Variants in NAE1 observed in about 807,000 individuals in gnomAD.
The protein encoded by NAE1 is NEDD8 activating enzyme E1 subunit 1.
In NAE1, 59 loss-of-function variants were observed where a neutral mutation model predicts 88.0. The ratio of observed to expected loss-of-function variants is 0.67; its 90% CI spans 0.54 to 0.83. NAE1 has a LOEUF of 0.83. Ranked by LOEUF, NAE1 falls within the 40% of genes least tolerant of loss-of-function variation. The probability of loss-of-function intolerance (pLI) is 0.00; values close to 1 mark genes in which losing one functional copy is unlikely to be tolerated. For synonymous variants in NAE1, 186 were observed against 208.9 expected, an observed-to-expected ratio of 0.89 and a Z score of 0.95; for missense variants, 554 against 632.8, an observed-to-expected ratio of 0.88 and a Z score of 1.34.
intron 15 of NAE1, 25 bp downstream of exon 15, chr16:66,810,349 A>C (rs1363475932): frequency 1.3e-6 from 2 of 1,562,894 alleles, no homozygotes; most frequent in Non-Finnish European, 1.8e-6. Flanking sequence ...AAGCAAAATA[A>C]GGAAATTAAT....
rs1959551597 is a variant in NAE1, at chr16:66,806,106, G to A, written c.1331-80C>T. On this transcript the variant is annotated intron_variant, in intron 17 of 19. Transcript: ENST00000290810. ...AACTCCTTTATTTAATCTAGTTTCA[G>A]ATGTTCTAGTCAAAATATGTATGAA... The A allele has an allele frequency of 4.2e-6, 6 of 1,424,070 alleles. No homozygotes were observed. In the South Asian group the frequency reaches 7.4e-5, roughly 18 times the overall value. The allele number at this position is 1,424,070 out of a possible 1,614,324, so 88.2% of individuals were successfully genotyped here.
rs555207416 is a variant in NAE1, at chr16:66,818,538, A to C, written c.611T>G (p.Met204Arg). ...EHFQSYDLDH[M>R]EKKDHSHTPW... ...ACACACACTACCAACCTTTTTTTCC[A>C]TATGATCCAAATCATAGGACTGAAA... Residue 204 changes from methionine (M) to arginine (R), a missense_variant, in exon 8 of 20, where the codon ATG becomes AGG. Coordinates refer to ENST00000290810, the MANE Select transcript of NAE1 (RefSeq NM_003905.4). 2 of 1,605,366 alleles carry C rather than the reference A, an allele frequency of 1.2e-6. No homozygotes were observed. The highest frequency in any genetic ancestry group is 1.7e-6 in the Non-Finnish European group (2 of 1,177,110).
chr16:66,826,797 A>G lies in NAE1; in HGVS notation c.54-17T>C, dbSNP rs1278814522. On this transcript the variant is annotated splice_polypyrimidine_tract_variant and intron_variant, in intron 1 of 19. Transcript: ENST00000290810. ...CCCCACAACCTACAAAACAGACACA[A>G]ATTTGATGTTTTTAAAACTTTCATG... 6.3e-7 allele frequency: 1 copy of G among 1,575,054 alleles called. No homozygotes were observed. Among genetic ancestry groups the G allele is most frequent in the African/African-American group, 1.4e-5 (1 of 72,532 alleles).
intron 17 of NAE1, among the ~76,000 whole-genome samples, chr16:66,807,745 C>A (rs1959627973): frequency 6.6e-6 from 1 of 152,078 alleles, no homozygotes; most frequent in South Asian, 2.1e-4. Flanking sequence ...TAATCCTGCA[C>A]AATTAAAATT....
In NAE1 at chr16:66,818,553, T is replaced by C. The variant is rs1423643848; in HGVS notation, c.596A>G (p.Tyr199Cys). 1.6e-5 allele frequency: 26 copies of C among 1,612,654 alleles called. 1 individual carries two copies. The highest frequency in any genetic ancestry group is 2.1e-5 in the Non-Finnish European group (25 of 1,179,476). The change falls in exon 8 of 20, where the codon TAT (tyrosine) becomes TGT (cysteine). Residue 199 changes from tyrosine to cysteine, a missense_variant. Tyr to Cys is a radical substitution (Grantham distance 194, BLOSUM62 -2). Coordinates refer to ENST00000290810, the MANE Select transcript of NAE1 (RefSeq NM_003905.4). ...FPELREHFQS[Y>C]DLDHMEKKDH... is the part of the protein sequence containing the mutation. ...CTTTTTTTCCATATGATCCAAATCA[T>C]AGGACTGAAAATGTTCTCTCAGTTC...
chr16:66,805,545 G>A (rs558186246), intron 19 of NAE1: 11 of 386,000 alleles, frequency 2.8e-5, no homozygotes, highest in South Asian at 2.9e-4. Context: ...AGGCGGAGGC[G>A]AGAGATCACT....
At chr16:66,821,833 A>G (rs970538997) in intron 6 of NAE1, among the ~76,000 whole-genome samples, 8 of 152,230 alleles carry the variant, frequency 5.3e-5, no homozygotes, top group African/African-American at 1.9e-4. Context: ...AGATAATTCT[A>G]AACATTTCCA....
chr16:66,813,965 TTC>T lies in NAE1; in HGVS notation c.841-121_841-120del, dbSNP rs997699779. On this transcript the variant is annotated intron_variant, in intron 11 of 19. Coordinates refer to ENST00000290810, the MANE Select transcript of NAE1 (RefSeq NM_003905.4). ...TCTCAAATTGTAATCAAATACAAACTTCTGATTGGTTTATAATTTTATTTAGA... is the reference window on the plus strand; with the variant it reads ...TCTCAAATTGTAATCAAATACAAACTTGATTGGTTTATAATTTTATTTAGA... The T allele has an allele frequency of 3.2e-6, 3 of 940,170 alleles. No homozygotes were observed. In the African/African-American group the frequency reaches 5.0e-5, roughly 16 times the overall value. The allele number at this position is 940,170 out of a possible 1,614,324, so 58.2% of individuals were successfully genotyped here.
rs367977178 is a variant in NAE1 at position 66,821,566 on chromosome 16, A to G, written c.402-7T>C. ...TGCTAAGCGTAGTGAAGTGCTGTTT[A>G]AAAAAAAAAAGCAAAATATGAACAT... On this transcript the variant is annotated splice_polypyrimidine_tract_variant and splice_region_variant and intron_variant, in intron 6 of 19. Transcript: ENST00000290810. The G allele has an allele frequency of 2.5e-4, 236 of 944,466 alleles. No individual in the cohort carries two copies. Among genetic ancestry groups the G allele is most frequent in the Non-Finnish European group, 3.2e-4 (227 of 707,762 alleles). The allele number at this position is 944,466 out of a possible 1,614,324, so 58.5% of individuals were successfully genotyped here. A position where few individuals can be genotyped will look rare whatever the true frequency, so the allele number is the denominator to read the frequency against.
At chr16:66,804,113 G>A (rs1959465873) in intron 19 of NAE1, among the ~76,000 whole-genome samples, 1 of 151,972 alleles carries the variant, frequency 6.6e-6, no homozygotes, top group Non-Finnish European at 1.5e-5. Context: ...AAGAGAAGGG[G>A]TTTGTATTTT....
chr16:66,821,418 C>A (rs1006837070), intron 7 of NAE1, 32 bp downstream of exon 7: 3 of 1,488,360 alleles, frequency 2.0e-6, no homozygotes, highest in Non-Finnish European at 2.7e-6. Flanking sequence ...CTAAAGCAAC[C>A]AATAGTAAGC....
At chr16:66,828,447 C>T (rs1054408005) in intron 1 of NAE1, among the ~76,000 whole-genome samples, 2 of 150,434 alleles carry the variant, frequency 1.3e-5, no homozygotes, top group East Asian at 2.0e-4. Flanking sequence ...GCCAAGACCG[C>T]GCCACTGCAC....
intron 17 of NAE1, among the ~76,000 whole-genome samples, chr16:66,807,004 C>T (rs909133997): frequency 1.7e-4 from 26 of 152,132 alleles, no homozygotes; most frequent in African/African-American, 6.0e-4. Flanking sequence ...AAGCTAGCCA[C>T]GTGAAGAGAT....
chr16:66,816,809 A>T (rs1960060420), intron 10 of NAE1, 137 bp from the exon 11 acceptor site: 1 of 1,317,278 alleles, frequency 7.6e-7, no homozygotes, highest in Non-Finnish European at 1.0e-6. Flanking sequence ...AGTCCTTAAA[A>T]CTATACAAGG....
chr16:66,823,376 G>T, intron 5 of NAE1, 70 bp from the exon 6 acceptor site: 1 of 1,373,862 alleles, frequency 7.3e-7, no homozygotes, highest in South Asian at 1.3e-5. Context: ...ACATGGCAGA[G>T]ACAGTTAAGC....
rs574965300 is a variant in NAE1, at chr16:66,825,639, G to A, written c.219-754C>T. ...ACAGCTCTTATCGTTCCCTAGAACC[G>A]GTGTTCCACAGACCACTCTCGGTGT... On this transcript the variant is annotated intron_variant, in intron 3 of 19. Coordinates refer to ENST00000290810, the MANE Select transcript of NAE1 (RefSeq NM_003905.4). 2.2e-4 allele frequency among the ~76,000 whole-genome samples: 33 copies of A among 151,896 alleles called. No homozygotes were observed. The South Asian group carries it at 5.2e-3, about 24-fold the overall frequency.
At chr16:66,815,155 G>A (rs1170327955) in intron 11 of NAE1, among the ~76,000 whole-genome samples, 3 of 152,064 alleles carry the variant, frequency 2.0e-5, no homozygotes, top group Non-Finnish European at 4.4e-5. Flanking sequence ...ACAGCACCTG[G>A]TGCATTTTTA....
chr16:66,828,027 CT>C (rs780358928), intron 1 of NAE1: 1 of 1,613,966 alleles, frequency 6.2e-7, no homozygotes, highest in Non-Finnish European at 8.5e-7. Flanking sequence ...TTCCACTCCA[CT>C]GTATGCTCCA....
Position 66,818,533 on chromosome 16 carries a change from T to C in NAE1, c.616A>G (p.Lys206Glu), listed in dbSNP as rs756118537. The change falls in exon 8 of 20, where the codon AAA (lysine) becomes GAA (glutamate). Residue 206 changes from lysine to glutamate, a missense_variant. Coordinates refer to ENST00000290810, the MANE Select transcript of NAE1 (RefSeq NM_003905.4). ...AGGTCACACACACTACCAACCTTTT[T>C]TTCCATATGATCCAAATCATAGGAC... ...FQSYDLDHME[K>E]KDHSHTPWIV... 2 of 1,608,602 alleles carry C rather than the reference T, an allele frequency of 1.2e-6. No individual in the cohort carries two copies. Among genetic ancestry groups the C allele is most frequent in the Non-Finnish European group, 1.7e-6 (2 of 1,178,304 alleles).
Sources: allele counts gnomAD v4.1 joint callset (sites outside exome capture counted in the v4.1 genomes callset), GRCh38; gene constraint gnomAD v4.1.1; transcripts MANE v1.5; gene names NCBI Gene and HGNC (gene_info 2026-07-23, HGNC 2026-07-21).